The following DCAF6 variants were observed in gnomAD, a reference collection of about 807,000 sequenced individuals.
DCAF6 encodes the protein DDB1 and CUL4 associated factor 6.
DCAF6 carries 54 observed loss-of-function variants against 125.1 expected under a neutral mutation model. The observed-to-expected ratio is 0.43, with a 90% CI of 0.35 to 0.54. DCAF6 has a LOEUF of 0.54. Ranked by LOEUF, DCAF6 falls within the 20% of genes least tolerant of loss-of-function variation. The pLI is 0.01. For synonymous variants in DCAF6, 371 were observed against 390.4 expected (o/e 0.95, Z 0.58); for missense variants, 934 against 1,161.7 (o/e 0.80, Z 2.85).
the DCAF6 span, among the ~76,000 whole-genome samples, chr1:167,926,457 C>T: frequency 1.3e-5 from 2 of 152,088 alleles, no homozygotes; most frequent in East Asian, 1.9e-4. Flanking sequence ...GACATTTTTA[C>T]GAAGGGAAAA....
intron 5 of DCAF6, 51 bp from the exon 6 acceptor site, chr1:167,991,153 T>C: frequency 7.0e-7 from 1 of 1,421,186 alleles, no homozygotes; most frequent in South Asian, 1.5e-5. Flanking sequence ...AAATATAATT[T>C]CACCTCTGCT....
At chr1:167,879,333 C>T in the DCAF6 span, among the ~76,000 whole-genome samples, 1 of 152,194 alleles carries the variant, frequency 6.6e-6, no homozygotes, top group African/African-American at 2.4e-5. Flanking sequence ...CAGCTGGCTG[C>T]TTGTAAGCCT....
intron 10 of DCAF6, among the ~76,000 whole-genome samples, chr1:168,012,201 C>T (rs1004853147): frequency 1.3e-5 from 2 of 152,096 alleles, no homozygotes; most frequent in Admixed American, 1.3e-4. Flanking sequence ...TAAAAATGAT[C>T]CAGAGTCCAG....
the DCAF6 span, among the ~76,000 whole-genome samples, chr1:167,869,378 AGAGT>A: frequency 4.0e-4 from 61 of 152,380 alleles, no homozygotes; most frequent in South Asian, 4.6e-3. Context: ...GGCAAAAATA[AGAGT>A]GAGAACTCCC....
chr1:167,978,142 G>T (rs1678537456), intron 4 of DCAF6, among the ~76,000 whole-genome samples: 1 of 152,072 alleles, frequency 6.6e-6, no homozygotes, highest in Non-Finnish European at 1.5e-5. Context: ...TACCACAATT[G>T]ATTTATCTGT....
the DCAF6 span, among the ~76,000 whole-genome samples, chr1:167,928,301 T>G: frequency 2.0e-5 from 3 of 146,576 alleles, no homozygotes; most frequent in African/African-American, 7.6e-5. Context: ...TGAGCCGAGA[T>G]CGCACCACTG....
At chr1:167,950,266 A>C (rs1673722899) in intron 1 of DCAF6, among the ~76,000 whole-genome samples, 2 of 152,218 alleles carry the variant, frequency 1.3e-5, no homozygotes, top group Admixed American at 1.3e-4. Flanking sequence ...TAACTCAATG[A>C]GATTACCAAT....
At chr1:167,888,485 T>C in the DCAF6 span, among the ~76,000 whole-genome samples, 1 of 152,144 alleles carries the variant, frequency 6.6e-6, no homozygotes, top group African/African-American at 2.4e-5. Flanking sequence ...TTCACTTCTT[T>C]GGTTAATTAC....
chr1:167,987,621 T>C lies in DCAF6; in HGVS notation c.552+13T>C. On this transcript the variant is annotated intron_variant, in intron 5 of 21. Coordinates refer to ENST00000367840, the MANE Select transcript of DCAF6 (RefSeq NM_001198956.2). Reference sequence around the variant, plus strand: ...AGATTGTAAAGATGTAAGAATTAAATTTTTATACAAATGATGCAGAAAAAA... The same window carrying C: ...AGATTGTAAAGATGTAAGAATTAAACTTTTATACAAATGATGCAGAAAAAA... 7.4e-7 allele frequency: 1 copy of C among 1,358,906 alleles called. No homozygotes were observed. The allele number at this position is 1,358,906 out of a possible 1,614,324, so 84.2% of individuals were successfully genotyped here.
At chr1:167,928,251 G>C in the DCAF6 span, among the ~76,000 whole-genome samples, 2 of 151,760 alleles carry the variant, frequency 1.3e-5, no homozygotes, top group African/African-American at 4.8e-5. Flanking sequence ...GGGAGGCTGA[G>C]GCAGGAGAAT....
At chr1:167,874,640 T>G in the DCAF6 span, among the ~76,000 whole-genome samples, 1 of 152,208 alleles carries the variant, frequency 6.6e-6, no homozygotes, top group East Asian at 1.9e-4. Context: ...AATGCATACA[T>G]GCATTCACCA....
chr1:167,884,189 C>G, the DCAF6 span, among the ~76,000 whole-genome samples: 1 of 152,146 alleles, frequency 6.6e-6, no homozygotes, highest in Non-Finnish European at 1.5e-5. Context: ...CTACCTGATA[C>G]TGGGTAATTT....
At chr1:167,988,928 A>C (rs969499967) in intron 5 of DCAF6, among the ~76,000 whole-genome samples, 1 of 151,196 alleles carries the variant, frequency 6.6e-6, no homozygotes, top group South Asian at 2.1e-4. Flanking sequence ...AAAATACAAA[A>C]AATTAGCCGG....
chr1:167,916,269 C>A, the DCAF6 span, among the ~76,000 whole-genome samples: 1 of 152,136 alleles, frequency 6.6e-6, no homozygotes, highest in Non-Finnish European at 1.5e-5. Flanking sequence ...TGCAAAGGCG[C>A]GATCTCAGCT....
chr1:168,044,694 T>C (rs1688945939), intron 15 of DCAF6, 23 bp downstream of exon 15: 1 of 1,565,946 alleles, frequency 6.4e-7, no homozygotes, highest in East Asian at 2.2e-5. Flanking sequence ...CTTTAGATAA[T>C]TGCTTTGTAT....
intron 21 of DCAF6, among the ~76,000 whole-genome samples, chr1:168,073,511 C>T (rs1366163702): frequency 1.3e-5 from 2 of 151,894 alleles, no homozygotes; most frequent in Non-Finnish European, 2.9e-5. Flanking sequence ...TCTTGGCCCT[C>T]ATTTGTCTCT....
At chr1:168,072,322 A>AAAAAAAAAAAG (rs1553253848) in intron 21 of DCAF6, among the ~76,000 whole-genome samples, 4 of 145,422 alleles carry the variant, frequency 2.8e-5, no homozygotes, top group African/African-American at 1.1e-4. Context: ...AAAAAAAAAA[A>AAAAAAAAAAAG]AAAGAAAAGA....
At chr1:167,920,653 GA>G in the DCAF6 span, 10 of 1,591,744 alleles carry the variant, frequency 6.3e-6, no homozygotes, top group South Asian at 2.3e-5. Context: ...CGCATAGAAA[GA>G]AAAAAAGTAT....
At chr1:167,991,989 ACT>A (rs1182933633) in intron 6 of DCAF6, among the ~76,000 whole-genome samples, 5 of 151,788 alleles carry the variant, frequency 3.3e-5, no homozygotes, top group South Asian at 2.1e-4. Context: ...TTTTGGGGAG[ACT>A]CTGCTATTTT....
Sources: allele counts gnomAD v4.1 joint callset (sites outside exome capture counted in the v4.1 genomes callset), GRCh38; gene constraint gnomAD v4.1.1; transcripts MANE v1.5; gene names NCBI Gene and HGNC (gene_info 2026-07-23, HGNC 2026-07-21).